Variants in ARHGEF2 observed in about 807,000 individuals in gnomAD.
ARHGEF2 encodes rho guanine nucleotide exchange factor 2.
In ARHGEF2, 22 loss-of-function variants were observed where a neutral mutation model predicts 121.0. The observed-to-expected ratio is 0.18, with a 90% CI of 0.13 to 0.26. ARHGEF2 has a LOEUF of 0.26. ARHGEF2 is among the 10% of genes least tolerant of loss of function. ARHGEF2 has a pLI of 1.00. For missense variants in ARHGEF2, 907 were observed against 1,336.0 expected (o/e 0.68, Z 5.01); for synonymous variants, 487 against 530.0 (o/e 0.92, Z 1.11).
At position 155,963,187 on chromosome 1, in the gene ARHGEF2, TG is replaced by T; in HGVS notation, c.725-5del. The T allele has an allele frequency of 6.2e-7, 1 of 1,604,960 alleles. No homozygotes were observed. On this transcript the variant is annotated splice_polypyrimidine_tract_variant and splice_region_variant and intron_variant, in intron 7 of 21. Transcript: ENST00000361247. The stretch of plus-strand genomic sequence containing the variant: ...TGCAGCTCTGTCTGGATTAGCTCTG[TG>T]GGGGACATTGGGACATTTGGCCTCT...
chr1:155,968,019 C>A (rs1325721320), intron 2 of ARHGEF2, among the ~76,000 whole-genome samples: 1 of 151,494 alleles, frequency 6.6e-6, no homozygotes, highest in Non-Finnish European at 1.5e-5. Context: ...GATTGAACCT[C>A]CGCTTTCCAC....
In ARHGEF2 at chr1:155,952,184, G is replaced by T; in HGVS notation, c.2036C>A (p.Thr679Lys). 2 of 1,614,170 alleles carry T rather than the reference G, an allele frequency of 1.2e-6. No individual in the cohort carries two copies. Among genetic ancestry groups the T allele is most frequent in the Non-Finnish European group, 1.7e-6 (2 of 1,180,020 alleles). ...LVGPGVELLL[T>K]PREPALPLEP... is the part of the protein sequence containing the mutation. ...CAAGGGCAGGGCTGGCTCTCGGGGT[G>T]TCAAGAGCAGTTCCACTCCTGGCCC... is the stretch of plus-strand genomic sequence containing the variant. The change falls in exon 16 of 22, where the codon ACA (threonine) becomes AAA (lysine). Residue 679 changes from threonine (T) to lysine (K), a missense_variant. By Grantham distance (78) the Thr-to-Lys change is moderately conservative (BLOSUM62 -1). This residue lies in a region of ARHGEF2 where 432 missense variants were observed against 559.5 expected (regional missense o/e 0.77). Transcript: ENST00000361247.
rs773529094 is a variant in ARHGEF2, at chr1:155,951,331, G to A, written c.2260-59C>T. On this transcript the variant is annotated intron_variant, in intron 19 of 21. Coordinates refer to ENST00000361247, the MANE Select transcript of ARHGEF2 (RefSeq NM_001162383.2). This position sits in a 1 kb window ranked among gnomAD's most constrained non-coding sequence, Gnocchi z 5.1. ...GAACCCCTGTGCTCTTCTACCCCTCGCCTTCACCCTCCAAGGCCCAGATCA... is the reference window on the plus strand; with the variant it reads ...GAACCCCTGTGCTCTTCTACCCCTCACCTTCACCCTCCAAGGCCCAGATCA... 1.3e-5 allele frequency: 20 copies of A among 1,561,812 alleles called. No homozygotes were observed. Among genetic ancestry groups the A allele is most frequent in the South Asian group, 1.2e-4 (10 of 85,126 alleles).
In ARHGEF2 at chr1:155,951,412, C is replaced by G. The variant is rs777343364; in HGVS notation, c.2259+71G>C. ...ATTTAGAAAGGCCTGTTGGGATGAC[C>G]ATGCCCCACCTAAACAGGCATCTCT... On this transcript the variant is annotated intron_variant, in intron 19 of 21. Transcript: ENST00000361247. This position sits in a 1 kb window ranked among gnomAD's most constrained non-coding sequence, Gnocchi z 5.1. 34 of 1,599,474 alleles carry G rather than the reference C, an allele frequency of 2.1e-5. No homozygotes were observed. Among genetic ancestry groups the G allele is most frequent in the Non-Finnish European group, 2.8e-5 (33 of 1,167,328 alleles).
rs948872137 is a variant in ARHGEF2, at chr1:155,965,921, C to T, written c.341-161G>A. ...TGAGAATGCCACCTTACATTTGTGC[C>T]ATACTCTAATGTTCACAAAGAGCTT... On this transcript the variant is annotated intron_variant, in intron 4 of 21. Transcript: ENST00000361247. The surrounding 1 kb of genome is among the most constrained non-coding windows in gnomAD (Gnocchi z 6.0). 6.6e-6 allele frequency among the ~76,000 whole-genome samples: 1 copy of T among 152,174 alleles called. No individual in the cohort carries two copies. The highest frequency in any genetic ancestry group is 6.5e-5 in the Admixed American group (1 of 15,284).
chr1:155,969,807 G>A (rs557915138), intron 1 of ARHGEF2: 7 of 986,906 alleles, frequency 7.1e-6, no homozygotes, highest in South Asian at 4.7e-5. Flanking sequence ...AGTCACAGTG[G>A]GGGGGGCAGG....
In ARHGEF2 at chr1:155,966,879, C is replaced by T; in HGVS notation, c.217G>A (p.Val73Met). ...TCTTTACAGCGGTTGTGGATAGTCA[C>T]ATTGCAGGCTGGGAGGGTGGGGTAG... ...KEALICPTCN[V>M]TIHNRCKDTL... Residue 73 changes from valine (V) to methionine (M), a missense_variant, in exon 3 of 22, where the codon GTG (valine) becomes ATG (methionine). Physicochemically the swap from Val to Met is conservative, Grantham distance 21. Coordinates refer to ENST00000361247, the MANE Select transcript of ARHGEF2 (RefSeq NM_001162383.2). 2 of 1,613,606 alleles carry T rather than the reference C, an allele frequency of 1.2e-6. No individual in the cohort carries two copies. The highest frequency in any genetic ancestry group is 1.7e-6 in the Non-Finnish European group (2 of 1,179,810).
At chr1:155,976,609 C>A (rs1196041715) in intron 1 of ARHGEF2, among the ~76,000 whole-genome samples, 9 of 137,566 alleles carry the variant, frequency 6.5e-5, no homozygotes, top group Non-Finnish European at 1.4e-4. Flanking sequence ...CCTGCCCCCA[C>A]AGAACCGCTC....
intron 1 of ARHGEF2, among the ~76,000 whole-genome samples, chr1:155,977,741 C>T (rs1397049302): frequency 1.3e-5 from 2 of 152,238 alleles, no homozygotes; most frequent in African/African-American, 4.8e-5. Context: ...AGCCGTCCCT[C>T]GGCCGTCCCG....
chr1:155,977,881 C>T (rs966910090), intron 1 of ARHGEF2, among the ~76,000 whole-genome samples: 1 of 152,214 alleles, frequency 6.6e-6, no homozygotes, highest in Non-Finnish European at 1.5e-5. Context: ...GGGAAACCAC[C>T]CCCTCCCGTC....
chr1:155,963,312 A>T, intron 7 of ARHGEF2, 129 bp from the exon 8 acceptor site: 6 of 690,700 alleles, frequency 8.7e-6, no homozygotes, highest in Non-Finnish European at 1.4e-5. Context: ...CTGCATTATT[A>T]TGATCTTAGA....
intron 1 of ARHGEF2, chr1:155,969,832 G>C: frequency 1.0e-6 from 1 of 986,420 alleles, no homozygotes; most frequent in Non-Finnish European, 1.2e-6. Flanking sequence ...CCCCTTATTA[G>C]ATTGGCTGAA....
At position 155,966,902 on chromosome 1, in the gene ARHGEF2, T is replaced by C; in HGVS notation, c.209-15A>G. The C allele has an allele frequency of 6.2e-7, 1 of 1,611,944 alleles. No homozygotes were observed. ...CACATTGCAGGCTGGGAGGGTGGGG[T>C]AGAGAGGGTGAAGGGAGGGCCGGGT... On this transcript the variant is annotated splice_polypyrimidine_tract_variant and intron_variant, in intron 2 of 21. Transcript: ENST00000361247.
intron 11 of ARHGEF2, among the ~76,000 whole-genome samples, chr1:155,959,992 C>T (rs543511565): frequency 6.6e-5 from 10 of 152,288 alleles, no homozygotes; most frequent in Admixed American, 3.3e-4. Flanking sequence ...AAGTTTCCTT[C>T]CTCTCGCAGA....
intron 1 of ARHGEF2, chr1:155,970,839 T>C: frequency 1.0e-6 from 1 of 986,376 alleles, no homozygotes; most frequent in Non-Finnish European, 1.2e-6. Context: ...CCTGCCTCTC[T>C]TCCCAAGCTC....
chr1:155,948,635 A>G (rs1674778084), intron 21 of ARHGEF2, among the ~76,000 whole-genome samples: 1 of 152,062 alleles, frequency 6.6e-6, no homozygotes, highest in African/African-American at 2.4e-5. Flanking sequence ...TCTCAAAAAA[A>G]ACAAAACAAA....
At chr1:155,963,713 C>T (rs569769194) in intron 7 of ARHGEF2, among the ~76,000 whole-genome samples, 2 of 151,880 alleles carry the variant, frequency 1.3e-5, no homozygotes, top group African/African-American at 4.8e-5. Context: ...ACTCTGGTGC[C>T]CAGGCTGGAG....
chr1:155,949,112 T>G (rs1020447633), intron 21 of ARHGEF2, among the ~76,000 whole-genome samples: 4 of 150,858 alleles, frequency 2.7e-5, no homozygotes, highest in African/African-American at 9.8e-5. Context: ...ATTAGCCAGG[T>G]GTGGTAGTGC....
chr1:155,958,052 CCTTGACAAATTATTTAACTGA>C (rs2102649077), intron 12 of ARHGEF2, among the ~76,000 whole-genome samples, 170 bp from the exon 13 acceptor site: 1 of 152,334 alleles, frequency 6.6e-6, no homozygotes, highest in Non-Finnish European at 1.5e-5. Context: ...TGTGTGCAAC[CCTTGACAAATTATTTAACTGA>C]CTTGAAGCTT....
Sources: gnomAD v4.1 joint callset for allele counts (sites outside exome capture counted in the v4.1 genomes callset) on GRCh38, gnomAD v4.1.1 for gene constraint, gnomAD v4.1.1 regional missense constraint, Gnocchi (gnomAD v3.1) non-coding constraint, MANE v1.5 for transcripts, NCBI Gene and HGNC (gene_info 2026-07-23, HGNC 2026-07-21) for gene names.